Variants in TMEM126B observed in about 807,000 individuals in gnomAD.
TMEM126B encodes the protein transmembrane protein 126B, also known as complex I assembly factor TMEM126B, mitochondrial.
A neutral mutation model predicts 16.5 loss-of-function variants in TMEM126B; 19 were observed. That is an observed-to-expected ratio of 1.15 (90% CI 0.80 to 1.69). The LOEUF (loss-of-function observed/expected upper bound fraction) is 1.69. Among genes scored for constraint, TMEM126B ranks in the 40% most tolerant of loss-of-function variants. TMEM126B has a pLI of 0.00. For synonymous variants in TMEM126B, 104 were observed against 93.2 expected (o/e 1.12, Z -0.67); for missense variants, 293 against 278.7 (o/e 1.05, Z -0.37).
chr11:85,636,334 T>G lies in TMEM126B; in HGVS notation c.*105T>G. 1 of 815,428 alleles carries G rather than the reference T, an allele frequency of 1.2e-6. No homozygotes were observed. Among genetic ancestry groups the G allele is most frequent in the Non-Finnish European group, 1.8e-6 (1 of 566,000 alleles). The allele number at this position is 815,428 out of a possible 1,614,324, so 50.5% of individuals were successfully genotyped here. On this transcript the variant is annotated 3_prime_UTR_variant, in exon 5 of 5. Transcript: ENST00000358867. ...GTAACTGTGAACAAATAATTTGTTC[T>G]GTGCCTTTTGCCTGGTATATAGCAA...
Position 85,636,056 on chromosome 11 carries a change from G to A in TMEM126B, c.520G>A (p.Val174Ile), listed in dbSNP as rs773475165. 1.1e-5 allele frequency: 18 copies of A among 1,596,442 alleles called. No individual in the cohort carries two copies. Among genetic ancestry groups the A allele is most frequent in the African/African-American group, 6.8e-5 (5 of 73,838 alleles). Residue 174 changes from valine to isoleucine, a missense_variant, in exon 5 of 5, where the codon GTT becomes ATT. Transcript: ENST00000358867. ...NGRLATKYHT[V>I]PLPPKGRVLI... The stretch of plus-strand genomic sequence containing the variant: ...CTTTTTTCTTTTTAGGTATCATACC[G>A]TTCCACTGCCACCAAAAGGAAGGGT...
Position 85,635,692 on chromosome 11 carries a change from T to G in TMEM126B, c.423T>G (p.Val141=). 6.2e-7 allele frequency: 1 copy of G among 1,604,862 alleles called. No homozygotes were observed. The change falls in exon 4 of 5, where the codon GTT becomes GTG. Residue 141 remains valine, a synonymous_variant. Coordinates refer to ENST00000358867, the MANE Select transcript of TMEM126B (RefSeq NM_018480.7). The stretch of plus-strand genomic sequence containing the variant: ...ATAATATAAGCAAGGAAAACTGTGT[T>G]TTCAGAAGCTCACTGATTGGCATAG... ...YSDNISKENC[V]FRSSLIGIVC...
At chr11:85,634,410 A>G (rs2082361551) in intron 3 of TMEM126B, 131 bp downstream of exon 3, 1 of 662,214 alleles carries the variant, frequency 1.5e-6, no homozygotes, top group East Asian at 3.0e-5. Context: ...AAGTCCATAT[A>G]CCTTGTCATA....
In TMEM126B at chr11:85,634,139, G is replaced by A; in HGVS notation, c.257G>A (p.Gly86Glu). 6.2e-7 allele frequency: 1 copy of A among 1,613,674 alleles called. No homozygotes were observed. The highest frequency in any genetic ancestry group is 8.5e-7 in the Non-Finnish European group (1 of 1,179,898). Residue 86 changes from glycine to glutamate, a missense_variant, in exon 3 of 5, where the codon GGA becomes GAA. Gly to Glu is a moderately conservative substitution (Grantham distance 98, BLOSUM62 -2). Coordinates refer to ENST00000358867, the MANE Select transcript of TMEM126B (RefSeq NM_018480.7). ...TTTGGAACAACAGCTGGTTTCTCTGGAATATTCTCAAACTTCCTGTTCAGA... is the reference window on the plus strand; with the variant it reads ...TTTGGAACAACAGCTGGTTTCTCTGAAATATTCTCAAACTTCCTGTTCAGA... ...ATFGTTAGFS[G>E]IFSNFLFRRC...
intron 2 of TMEM126B, 77 bp downstream of exon 2, chr11:85,631,885 A>G (rs1261476548): frequency 2.1e-6 from 3 of 1,428,944 alleles, no homozygotes; most frequent in Non-Finnish European, 2.8e-6. Context: ...CTAAGATCCT[A>G]TTCTTTCTTA....
intron 1 of TMEM126B, among the ~76,000 whole-genome samples, chr11:85,630,786 G>A (rs971345666): frequency 1.3e-5 from 2 of 152,192 alleles, no homozygotes; most frequent in South Asian, 2.1e-4. Flanking sequence ...CTCTGGGGCC[G>A]GGCACGGTGG....
intron 2 of TMEM126B, among the ~76,000 whole-genome samples, 194 bp from the exon 3 acceptor site, chr11:85,633,892 A>G (rs2082350415): frequency 6.6e-6 from 1 of 152,248 alleles, no homozygotes; most frequent in East Asian, 1.9e-4. Flanking sequence ...TACAAGTTCT[A>G]TGAGGGGTGG....
rs979002518 is a variant in TMEM126B, at chr11:85,629,063, G to A, written c.81+375G>A. ...TTCCCACGCTTCCTCTGGCTAGATTGTTTGCTTTTTCTTAGGTTGTTGGGT... is the reference window on the plus strand; with the variant it reads ...TTCCCACGCTTCCTCTGGCTAGATTATTTGCTTTTTCTTAGGTTGTTGGGT... On this transcript the variant is annotated intron_variant, in intron 1 of 4. Coordinates refer to ENST00000358867, the MANE Select transcript of TMEM126B (RefSeq NM_018480.7). The A allele has an allele frequency of 2.4e-5, 12 of 506,902 alleles. No individual in the cohort carries two copies. The Admixed American group carries it at 2.6e-4, about 11-fold the overall frequency. 31.4% of individuals were successfully genotyped at this position (506,902 alleles called of 1,614,324 possible).
At chr11:85,630,417 A>G (rs1325364008) in intron 1 of TMEM126B, among the ~76,000 whole-genome samples, 1 of 152,236 alleles carries the variant, frequency 6.6e-6, no homozygotes, top group Non-Finnish European at 1.5e-5. Flanking sequence ...TAAAGAGACT[A>G]TTTAGCTAAT....
intron 4 of TMEM126B, 38 bp downstream of exon 4, chr11:85,635,816 CTTTTCTTTTT>C (rs2082390479): frequency 2.0e-6 from 2 of 1,020,112 alleles, no homozygotes; most frequent in South Asian, 2.2e-5. Flanking sequence ...CTTTTCTTTT[CTTTTCTTTTT>C]TTTTTTTTTT....
chr11:85,634,110 G>T lies in TMEM126B; in HGVS notation c.228G>T (p.Ala76=). 6.2e-7 allele frequency: 1 copy of T among 1,612,938 alleles called. No homozygotes were observed. The highest frequency in any genetic ancestry group is 1.1e-5 in the South Asian group (1 of 90,834). ...KEMTQNIYQM[A]TFGTTAGFSG... Reference sequence around the variant, plus strand: ...GGACACAAAATATATATCAAATGGCGACATTTGGAACAACAGCTGGTTTCT... The same window carrying T: ...GGACACAAAATATATATCAAATGGCTACATTTGGAACAACAGCTGGTTTCT... Residue 76 remains alanine (A), a synonymous_variant, in exon 3 of 5, where the codon GCG becomes GCT. Coordinates refer to ENST00000358867, the MANE Select transcript of TMEM126B (RefSeq NM_018480.7).
rs529606744 is a variant in TMEM126B at position 85,630,920 on chromosome 11, C to T, written c.82-767C>T. On this transcript the variant is annotated intron_variant, in intron 1 of 4. Coordinates refer to ENST00000358867, the MANE Select transcript of TMEM126B (RefSeq NM_018480.7). ...CTCTACTAAAAATACAAAAATTAGC[C>T]GGGTGTGGTGGCAGGTATGGGTCTC... 5.3e-5 allele frequency among the ~76,000 whole-genome samples: 8 copies of T among 152,258 alleles called. No individual in the cohort carries two copies. The South Asian group carries it at 8.3e-4, about 16-fold the overall frequency.
chr11:85,636,397 T>TAAG lies in TMEM126B; in HGVS notation c.*169_*171dup, dbSNP rs2082405847. 2 of 437,226 alleles carry TAAG rather than the reference T, an allele frequency of 4.6e-6. No homozygotes were observed. Among genetic ancestry groups the TAAG allele is most frequent in the Non-Finnish European group, 7.8e-6 (2 of 255,448 alleles). 27.1% of individuals were successfully genotyped at this position (437,226 alleles called of 1,614,324 possible). On this transcript the variant is annotated 3_prime_UTR_variant, in exon 5 of 5. Coordinates refer to ENST00000358867, the MANE Select transcript of TMEM126B (RefSeq NM_018480.7). ...TATTCAATAATTCAATCAATAAATA[T>TAAG]AAGTTTCATCTTACACGTAAGATAC... is the stretch of plus-strand genomic sequence containing the variant.
At position 85,628,681 on chromosome 11, in the gene TMEM126B, C is replaced by T; in HGVS notation, c.74C>T (p.Ala25Val). 2.0e-6 allele frequency: 3 copies of T among 1,536,152 alleles called. No homozygotes were observed. The highest frequency in any genetic ancestry group is 1.2e-5 in the South Asian group (1 of 84,060). ...GTGGTGCCGGTGGGAACTGAGGAAG[C>T]GCCCAAGGTAGGCGGAAATCCGAAG... ...SGVVPVGTEEAPKVFKMAASM... is the reference protein window; with the variant it reads ...SGVVPVGTEEVPKVFKMAASM... The change falls in exon 1 of 5, where the codon GCG (alanine) becomes GTG (valine). Residue 25 changes from alanine (A) to valine (V), a missense_variant. By Grantham distance (64) the Ala-to-Val change is moderately conservative. Transcript: ENST00000358867.
rs997107430 is a variant in TMEM126B, at chr11:85,635,544, T to C, written c.398-123T>C. The C allele has an allele frequency of 6.6e-6, 4 of 606,862 alleles. No individual in the cohort carries two copies. The African/African-American group carries it at 7.7e-5, about 12-fold the overall frequency. The allele number at this position is 606,862 out of a possible 1,614,324, so 37.6% of individuals were successfully genotyped here. ...TTATATGCCACAGAGTTTGAATTTC[T>C]AATATTCTTTCTATGGTTTAGTTGT... On this transcript the variant is annotated intron_variant, in intron 3 of 4. Coordinates refer to ENST00000358867, the MANE Select transcript of TMEM126B (RefSeq NM_018480.7).
rs1239180942 is a variant in TMEM126B at position 85,636,136 on chromosome 11, T to C, written c.600T>C (p.Pro200=). 6.2e-7 allele frequency: 1 copy of C among 1,612,794 alleles called. No homozygotes were observed. Among genetic ancestry groups the C allele is most frequent in the Non-Finnish European group, 8.5e-7 (1 of 1,179,638 alleles). ...CQTQMKLMAI[P]LVFQIMFGIL... ...CACAAATGAAATTAATGGCGATTCC[T>C]CTAGTCTTTCAGATTATGTTTGGAA... The change falls in exon 5 of 5, where the codon CCT becomes CCC. Residue 200 remains proline, a synonymous_variant. Transcript: ENST00000358867.
chr11:85,631,081 C>T, intron 1 of TMEM126B: 3 of 1,215,670 alleles, frequency 2.5e-6, no homozygotes, highest in Non-Finnish European at 3.2e-6. Flanking sequence ...AGCAGTGTCC[C>T]TCTTTCTGAT....
At chr11:85,632,294 A>G (rs2082315901) in intron 2 of TMEM126B, among the ~76,000 whole-genome samples, 1 of 152,120 alleles carries the variant, frequency 6.6e-6, no homozygotes, top group South Asian at 2.1e-4. Context: ...CCCAGGCTGG[A>G]GTGCAGTGGC....
rs531607485 is a variant in TMEM126B, at chr11:85,632,264, A to G, written c.203+456A>G. Among the ~76,000 whole-genome samples, 49 of 151,988 alleles carry G rather than the reference A, an allele frequency of 3.2e-4. No homozygotes were observed. In the South Asian group the frequency reaches 7.1e-3, roughly 22 times the overall value. On this transcript the variant is annotated intron_variant, in intron 2 of 4. Transcript: ENST00000358867. ...TAACATATTGACTTTTTTTTTTGAG[A>G]TAAGAGTCTCACTCTGTCACCCAGG...
Sources: gnomAD v4.1 joint callset for allele counts (sites outside exome capture counted in the v4.1 genomes callset) on GRCh38, gnomAD v4.1.1 for gene constraint, MANE v1.5 for transcripts, NCBI Gene and HGNC (gene_info 2026-07-23, HGNC 2026-07-21) for gene names.